Variants in ARID4B observed in about 807,000 individuals in gnomAD.
ARID4B encodes AT-rich interactive domain-containing protein 4B.
In ARID4B, 26 loss-of-function variants were observed where a neutral mutation model predicts 147.5. The ratio of observed to expected loss-of-function variants is 0.18; its 90% confidence interval spans 0.13 to 0.24. The LOEUF is 0.24. ARID4B is among the 10% of genes least tolerant of loss of function. The pLI is 1.00. For missense variants in ARID4B, 1,179 were observed against 1,511.5 expected (o/e 0.78, Z 3.65); for synonymous variants, 512 against 507.9 (o/e 1.01, Z -0.11).
At chr1:235,303,380 GAAA>G (rs1298835922) in intron 2 of ARID4B, among the ~76,000 whole-genome samples, 1 of 141,558 alleles carries the variant, frequency 7.1e-6, no homozygotes, top group Non-Finnish European at 1.5e-5. Flanking sequence ...AGAGGTGGGG[GAAA>G]AAAAAAAAAG....
intron 2 of ARID4B, among the ~76,000 whole-genome samples, chr1:235,286,640 G>C (rs1178747859): frequency 6.6e-6 from 1 of 152,166 alleles, no homozygotes; most frequent in African/African-American, 2.4e-5. Context: ...AGTGCATGAG[G>C]AAAGTAGACA....
intron 7 of ARID4B, among the ~76,000 whole-genome samples, chr1:235,244,687 C>T (rs922454876): frequency 6.6e-6 from 1 of 152,110 alleles, no homozygotes; most frequent in African/African-American, 2.4e-5. Context: ...ACTCCAACAA[C>T]GAAGTCCTGG....
At chr1:235,274,938 A>G (rs780824462) in intron 2 of ARID4B, among the ~76,000 whole-genome samples, 1 of 152,222 alleles carries the variant, frequency 6.6e-6, no homozygotes, top group Non-Finnish European at 1.5e-5. Flanking sequence ...AATCAAATGC[A>G]TACTAAAAAC....
At chr1:235,216,050 A>C (rs966235113) in intron 16 of ARID4B, among the ~76,000 whole-genome samples, 3 of 152,080 alleles carry the variant, frequency 2.0e-5, no homozygotes, top group Non-Finnish European at 2.9e-5. Context: ...GCAGCACTAT[A>C]ATGCTTTTTT....
intron 2 of ARID4B, among the ~76,000 whole-genome samples, chr1:235,324,005 A>C (rs1386544771): frequency 6.6e-6 from 1 of 151,442 alleles, no homozygotes; most frequent in African/African-American, 2.4e-5. Flanking sequence ...TCCTGGGTTC[A>C]AGCAGTTCTC....
intron 2 of ARID4B, among the ~76,000 whole-genome samples, chr1:235,321,389 C>T (rs1210822073): frequency 1.3e-5 from 2 of 152,276 alleles, no homozygotes; most frequent in East Asian, 1.9e-4. Flanking sequence ...CCTACTTACT[C>T]TTACATCTTA....
In ARID4B at chr1:235,254,181, A is replaced by G. The variant is rs184985994; in HGVS notation, c.275-1372T>C. Among the ~76,000 whole-genome samples the G allele has an allele frequency of 1.8e-4, 27 of 152,258 alleles. 1 individual carries two copies. The highest frequency in any genetic ancestry group is 1.6e-3 in the Admixed American group (24 of 15,294). ...ATATTTCCTTATGTCTCAAAATCAAATAATTTTCCCTCTATTTTCACCAGG... is the reference window on the plus strand; with the variant it reads ...ATATTTCCTTATGTCTCAAAATCAAGTAATTTTCCCTCTATTTTCACCAGG... On this transcript the variant is annotated intron_variant, in intron 5 of 23. Transcript: ENST00000264183.
intron 5 of ARID4B, 128 bp from the exon 6 acceptor site, chr1:235,252,937 A>T (rs1349132579): frequency 7.8e-6 from 5 of 641,008 alleles, no homozygotes; most frequent in Non-Finnish European, 1.3e-5. Context: ...TTCAATTCAC[A>T]TTTTATGTTT....
At chr1:235,276,500 A>G (rs1267988298) in intron 2 of ARID4B, among the ~76,000 whole-genome samples, 1 of 152,172 alleles carries the variant, frequency 6.6e-6, no homozygotes, top group African/African-American at 2.4e-5. Flanking sequence ...AAAAGAAAAA[A>G]TAAAGCAAGA....
intron 2 of ARID4B, among the ~76,000 whole-genome samples, chr1:235,311,054 G>C (rs1008525389): frequency 2.0e-5 from 3 of 151,956 alleles, no homozygotes; most frequent in Non-Finnish European, 4.4e-5. Context: ...TATAGCACAG[G>C]GATGCTCCCT....
At chr1:235,170,910 CAA>C (rs1164420998) in intron 23 of ARID4B, among the ~76,000 whole-genome samples, 15,513 of 61,820 alleles carry the variant, frequency 0.25, 948 homozygotes, top group Middle Eastern at 0.29. Flanking sequence ...GACTCCGTCT[CAA>C]AAAAAAAAAA....
At chr1:235,233,688 T>C (rs1212207552) in intron 9 of ARID4B, among the ~76,000 whole-genome samples, 1 of 152,190 alleles carries the variant, frequency 6.6e-6, no homozygotes, top group Non-Finnish European at 1.5e-5. Context: ...TTGAGTATTA[T>C]CCAACAGGTA....
intron 2 of ARID4B, among the ~76,000 whole-genome samples, chr1:235,291,540 TAAG>T (rs1281715043): frequency 6.6e-6 from 1 of 150,838 alleles, no homozygotes; most frequent in Non-Finnish European, 1.5e-5. Context: ...AAGTTGTTAA[TAAG>T]AACACACAAG....
chr1:235,237,056 AC>A (rs1465954834), intron 8 of ARID4B, among the ~76,000 whole-genome samples: 2 of 145,454 alleles, frequency 1.4e-5, no homozygotes, highest in Non-Finnish European at 3.0e-5. Context: ...CATTTTTAGT[AC>A]AGAAGGGGTT....
chr1:235,182,061 G>A lies in ARID4B; in HGVS notation c.2858C>T (p.Ala953Val), dbSNP rs755811896. The A allele has an allele frequency of 1.9e-6, 3 of 1,614,032 alleles. No homozygotes were observed. Among genetic ancestry groups the A allele is most frequent in the Admixed American group, 1.7e-5 (1 of 60,002 alleles). ...CTCTGGGGCAGGATGCGGTGGGGAA[G>A]CTGCAGCCTCAGTATCAGAGTCTGA... ...LFSDSDTEAA[A>V]SPPHPAPEEG... is the part of the protein sequence containing the mutation. Residue 953 changes from alanine to valine, a missense_variant, in exon 20 of 24, where the codon GCT (alanine) becomes GTT (valine). Physicochemically the swap from Ala to Val is moderately conservative, Grantham distance 64. Around this residue, in one of 10 missense-constraint regions of ARID4B, gnomAD observed 357 missense variants for 427.3 expected, o/e 0.84. Transcript: ENST00000264183.
intron 11 of ARID4B, among the ~76,000 whole-genome samples, chr1:235,227,476 T>C (rs961576549): frequency 6.6e-6 from 1 of 152,220 alleles, no homozygotes; most frequent in Non-Finnish European, 1.5e-5. Flanking sequence ...TCTCATTTCA[T>C]TAATACTTTA....
intron 2 of ARID4B, among the ~76,000 whole-genome samples, chr1:235,323,676 C>T (rs1675011078): frequency 6.6e-6 from 1 of 151,458 alleles, no homozygotes; most frequent in Non-Finnish European, 1.5e-5. Context: ...TCCAGTTACT[C>T]AGGAGGCTGA....
At chr1:235,223,382 T>TATATATATATATATATATAC in intron 12 of ARID4B, 122 bp from the exon 13 acceptor site, 1 of 213,204 alleles carries the variant, frequency 4.7e-6, no homozygotes. Context: ...TATATATATA[T>TATATATATATATATATATAC]ACACGTATAT....
At chr1:235,209,833 G>A (rs1666597446) in intron 17 of ARID4B, among the ~76,000 whole-genome samples, 1 of 151,798 alleles carries the variant, frequency 6.6e-6, no homozygotes, top group Non-Finnish European at 1.5e-5. Flanking sequence ...CAAAGTGCTG[G>A]GATTATGGGC....
Sources: allele counts gnomAD v4.1 joint callset (sites outside exome capture counted in the v4.1 genomes callset), GRCh38; gene constraint gnomAD v4.1.1; regional missense constraint gnomAD v4.1.1; transcripts MANE v1.5; gene names NCBI Gene and HGNC (gene_info 2026-07-23, HGNC 2026-07-21).